Variants in REPS2 observed in about 807,000 individuals in gnomAD.
REPS2 encodes the protein ralBP1-associated Eps domain-containing protein 2.
Under a neutral mutation model 53.6 loss-of-function variants are expected in REPS2, and 23 were observed. The ratio of observed to expected loss-of-function variants is 0.43; its 90% CI spans 0.31 to 0.61. The LOEUF (loss-of-function observed/expected upper bound fraction) is 0.61, where lower values mean the gene tolerates loss of function less well. Among genes scored for constraint, REPS2 ranks in the 20% least tolerant of loss-of-function variants. The pLI is 0.11. For synonymous variants in REPS2, 238 were observed against 218.6 expected (o/e 1.09, Z -0.78); for missense variants, 446 against 534.9 (o/e 0.83, Z 1.64).
At chrX:16,956,854 A>G (rs2060603854) in intron 1 of REPS2, among the ~76,000 whole-genome samples, 1 of 112,410 alleles carries the variant, frequency 8.9e-6, no homozygotes, top group Non-Finnish European at 1.9e-5. Context: ...GGGCTAGGAC[A>G]TAGACTTGAA....
At chrX:17,188,422 C>T in the REPS2 span, among the ~76,000 whole-genome samples, 1 of 111,925 alleles carries the variant, frequency 8.9e-6, no homozygotes, top group South Asian at 3.7e-4. Flanking sequence ...GGTTTCTACT[C>T]CTCTTTAGTA....
intron 2 of REPS2, among the ~76,000 whole-genome samples, chrX:17,013,117 G>A (rs1324321789): frequency 8.9e-6 from 1 of 112,204 alleles, no homozygotes; most frequent in Non-Finnish European, 1.9e-5. Context: ...CTGCGGAAGG[G>A]GACTGCCTGG....
chrX:16,964,782 G>A (rs2060716375), intron 1 of REPS2, among the ~76,000 whole-genome samples: 1 of 84,948 alleles, frequency 1.2e-5, no homozygotes, highest in African/African-American at 4.5e-5. Context: ...TGGCCGGGCG[G>A]GGGGCTGACC....
At chrX:17,022,580 A>G (rs990491714) in intron 3 of REPS2, among the ~76,000 whole-genome samples, 2 of 112,452 alleles carry the variant, frequency 1.8e-5, no homozygotes, top group African/African-American at 6.5e-5. Flanking sequence ...TTGGAAATGT[A>G]ACTTCCAGGA....
intron 1 of REPS2, among the ~76,000 whole-genome samples, chrX:16,971,624 G>A (rs2060896068): frequency 8.9e-6 from 1 of 112,072 alleles, no homozygotes; most frequent in African/African-American, 3.2e-5. Flanking sequence ...TTTCACTTAT[G>A]TTTTCTTCTA....
chrX:17,014,083 G>T (rs897430195), intron 2 of REPS2, among the ~76,000 whole-genome samples: 1 of 111,640 alleles, frequency 9.0e-6, no homozygotes, highest in African/African-American at 3.3e-5. Context: ...AATACACATT[G>T]ACATTATGTA....
Position 16,946,866 on chromosome X carries a change from AGGCGGCAGCGGCGGC to A in REPS2, c.12_26del (p.Ala13_Ala17del). The stretch of plus-strand genomic sequence containing the variant: ...CCGCGCCCCCTTGCTGGCCCCATGG[AGGCGGCAGCGGCGGC>A]GGCGGCGGCGGCAGCGGCAGCGGCA... On this transcript the variant is annotated inframe_deletion, in exon 1 of 18. Coordinates refer to ENST00000357277, the MANE Select transcript of REPS2 (RefSeq NM_004726.3). The A allele has an allele frequency of 1.3e-6, 1 of 750,234 alleles. No homozygotes were observed. Among genetic ancestry groups the A allele is most frequent in the Non-Finnish European group, 1.6e-6 (1 of 642,971 alleles). The allele number at this position is 750,234 out of a possible 1,213,427, so 61.8% of individuals were successfully genotyped here.
chrX:17,037,109 C>T (rs1450491516), intron 5 of REPS2, among the ~76,000 whole-genome samples: 1 of 110,491 alleles, frequency 9.1e-6, no homozygotes, highest in Non-Finnish European at 1.9e-5. Context: ...TCATAGCCTC[C>T]AGTCTCCTGC....
At chrX:17,139,681 C>T (rs1355454786) in intron 17 of REPS2, among the ~76,000 whole-genome samples, 4 of 111,598 alleles carry the variant, frequency 3.6e-5, no homozygotes, top group African/African-American at 1.3e-4. Context: ...ATGATCCTTC[C>T]TTACCTCTTC....
At chrX:17,186,940 G>A in the REPS2 span, among the ~76,000 whole-genome samples, 3 of 110,656 alleles carry the variant, frequency 2.7e-5, no homozygotes, top group African/African-American at 9.9e-5. Flanking sequence ...GAGGGTAGGA[G>A]GAGGGTGAGG....
intron 5 of REPS2, among the ~76,000 whole-genome samples, chrX:17,042,996 C>T (rs183971602): frequency 1.1e-4 from 12 of 110,864 alleles, no homozygotes; most frequent in African/African-American, 3.3e-4. Flanking sequence ...GGGGATTTGC[C>T]ATGTTGCCCA....
intron 13 of REPS2, among the ~76,000 whole-genome samples, chrX:17,081,568 ATATAG>A (rs2062455941): frequency 8.9e-6 from 1 of 112,802 alleles, no homozygotes; most frequent in South Asian, 3.7e-4. Context: ...AACTTTGGAA[ATATAG>A]AACAGTTGGC....
chrX:17,062,369 G>A (rs713355), intron 8 of REPS2, 69 bp from the exon 9 acceptor site: 350,128 of 812,488 alleles, frequency 0.43, 55,258 homozygotes, highest in Middle Eastern at 0.53. Flanking sequence ...GCACAGAAAA[G>A]CTGATGGGAA....
chrX:16,968,768 C>T (rs772282987), intron 1 of REPS2, among the ~76,000 whole-genome samples: 10 of 101,164 alleles, frequency 9.9e-5, no homozygotes, highest in Non-Finnish European at 1.6e-4. Flanking sequence ...CCAGTAGGGG[C>T]GGCCGGGCAG....
chrX:16,969,375 T>G lies in REPS2; in HGVS notation c.273+22241T>G, dbSNP rs1351298833. 1.8e-5 allele frequency among the ~76,000 whole-genome samples: 2 copies of G among 109,397 alleles called. 1 individual carries two copies. Among genetic ancestry groups the G allele is most frequent in the African/African-American group, 6.7e-5 (2 of 29,634 alleles). 95.0% of individuals were successfully genotyped at this position (109,397 alleles called of 115,157 possible). ...GGCACTTTGGGAGGCCAAGGCAGGC[T>G]GCTGGGAGGTGGAGGTTGTAGCGAG... is the stretch of plus-strand genomic sequence containing the variant. On this transcript the variant is annotated intron_variant, in intron 1 of 17. Coordinates refer to ENST00000357277, the MANE Select transcript of REPS2 (RefSeq NM_004726.3).
chrX:17,083,057 T>C, intron 13 of REPS2, among the ~76,000 whole-genome samples: 1 of 107,872 alleles, frequency 9.3e-6, no homozygotes, highest in Non-Finnish European at 1.9e-5. Context: ...GCAGCTGAAA[T>C]GACAGAAATG....
At chrX:16,998,680 G>A (rs1331149223) in intron 1 of REPS2, among the ~76,000 whole-genome samples, 1 of 111,585 alleles carries the variant, frequency 9.0e-6, no homozygotes, top group Non-Finnish European at 1.9e-5. Context: ...GCTAGCATCC[G>A]GGTGCCCAGA....
intron 1 of REPS2, among the ~76,000 whole-genome samples, chrX:16,982,586 G>T (rs2061031501): frequency 8.9e-6 from 1 of 112,133 alleles, no homozygotes; most frequent in Admixed American, 9.5e-5. Context: ...AGTATAGAAT[G>T]TTAGTACCTC....
intron 13 of REPS2, among the ~76,000 whole-genome samples, chrX:17,082,712 C>T (rs2062474089): frequency 8.9e-6 from 1 of 112,322 alleles, no homozygotes; most frequent in African/African-American, 3.2e-5. Flanking sequence ...AAGTATGATG[C>T]AGAATGTGTA....
Sources: allele counts gnomAD v4.1 joint callset (sites outside exome capture counted in the v4.1 genomes callset), GRCh38; gene constraint gnomAD v4.1.1; transcripts MANE v1.5; gene names NCBI Gene and HGNC (gene_info 2026-07-23, HGNC 2026-07-21).